Variants in PKD2L2 observed in about 807,000 individuals in gnomAD.
The protein encoded by PKD2L2 is polycystin 2 like 2, transient receptor potential cation channel, also known as polycystin-2-like protein 2.
In PKD2L2, 67 loss-of-function variants were observed where a neutral mutation model predicts 83.9. The observed-to-expected ratio is 0.80, with a 90% CI of 0.66 to 0.98. The LOEUF is 0.98. Among genes scored for constraint, PKD2L2 ranks in the 50% least tolerant of loss-of-function variants. The pLI, the probability that PKD2L2 is intolerant of heterozygous loss-of-function variation, is 0.00. For synonymous variants in PKD2L2, 223 were observed against 237.8 expected, an observed-to-expected ratio of 0.94 and a Z score of 0.57; for missense variants, 632 against 717.2, an observed-to-expected ratio of 0.88 and a Z score of 1.36.
intron 8 of PKD2L2, among the ~76,000 whole-genome samples, chr5:137,919,039 T>A (rs1362761457): frequency 6.6e-6 from 1 of 151,882 alleles, no homozygotes; most frequent in Admixed American, 6.6e-5. Flanking sequence ...GGAGCCTGAA[T>A]TGCTACACCC....
intron 6 of PKD2L2, 66 bp downstream of exon 6, chr5:137,906,500 A>G (rs936785247): frequency 1.3e-6 from 1 of 742,242 alleles, no homozygotes; most frequent in Non-Finnish European, 2.2e-6. Context: ...AAGGAGGTGT[A>G]AAAAGACAGA....
intron 12 of PKD2L2, among the ~76,000 whole-genome samples, chr5:137,931,855 G>T (rs1759904312): frequency 2.0e-5 from 3 of 152,008 alleles, no homozygotes; most frequent in African/African-American, 7.2e-5. Context: ...CAATTTTCTA[G>T]GTATATGATG....
chr5:137,915,119 G>A (rs1758206365), intron 8 of PKD2L2, among the ~76,000 whole-genome samples: 1 of 152,122 alleles, frequency 6.6e-6, no homozygotes, highest in Non-Finnish European at 1.5e-5. Context: ...TAGGTTTCAA[G>A]GTAATGATAG....
rs1183359823 is a variant in PKD2L2, at chr5:137,907,769, A to G, written c.1003A>G (p.Thr335Ala). The G allele has an allele frequency of 6.4e-7, 1 of 1,550,448 alleles. No homozygotes were observed. Among genetic ancestry groups the G allele is most frequent in the Non-Finnish European group, 8.7e-7 (1 of 1,146,814 alleles). ...LLCFVAVSFN[T>A]YYNVQIFLLL... ...GTGTTTTGTGGCTGTTTCCTTCAAC[A>G]CATACTATAATGTACAAATTTTTCT... Residue 335 changes from threonine to alanine, a missense_variant, in exon 7 of 15, where the codon ACA becomes GCA. Thr to Ala is a moderately conservative substitution (Grantham distance 58). Around this residue, in one of 3 missense-constraint regions of PKD2L2, gnomAD observed 399 missense variants for 416.9 expected, o/e 0.96. Coordinates refer to ENST00000508883, the MANE Select transcript of PKD2L2 (RefSeq NM_001300921.2).
intron 14 of PKD2L2, chr5:137,940,093 CA>C (rs1269564455): frequency 6.2e-7 from 1 of 1,614,022 alleles, no homozygotes; most frequent in South Asian, 1.1e-5. Flanking sequence ...TGTTTAGTGG[CA>C]CCACAACCAA....
At chr5:137,909,196 T>C (rs1757606653) in intron 8 of PKD2L2, among the ~76,000 whole-genome samples, 1 of 152,004 alleles carries the variant, frequency 6.6e-6, no homozygotes, top group African/African-American at 2.4e-5. Flanking sequence ...CCACGCTTGG[T>C]TGATTACATT....
intron 8 of PKD2L2, among the ~76,000 whole-genome samples, chr5:137,915,183 C>T (rs368458422): frequency 6.0e-5 from 9 of 149,420 alleles, no homozygotes; most frequent in East Asian, 3.9e-4. Context: ...TGGAAGAGTT[C>T]GAAGATTGGC....
intron 6 of PKD2L2, 117 bp from the exon 7 acceptor site, chr5:137,907,625 C>G: frequency 1.1e-3 from 516 of 453,076 alleles, no homozygotes; most frequent in Non-Finnish European, 1.5e-3. Context: ...TATGTCCTAT[C>G]TTTCCTTCCC....
At chr5:137,929,757 A>C (rs967284279) in intron 12 of PKD2L2, among the ~76,000 whole-genome samples, 5 of 152,248 alleles carry the variant, frequency 3.3e-5, no homozygotes, top group Non-Finnish European at 7.4e-5. Flanking sequence ...TAAGGATTCT[A>C]CTAGAGGACA....
chr5:137,923,391 G>C, intron 9 of PKD2L2, 29 bp from the exon 10 acceptor site: 1 of 991,592 alleles, frequency 1.0e-6, no homozygotes, highest in Non-Finnish European at 1.6e-6. Flanking sequence ...AATTTTTATT[G>C]AAATAATTAT....
At chr5:137,908,415 C>T (rs1422546122) in intron 7 of PKD2L2, among the ~76,000 whole-genome samples, 1 of 152,082 alleles carries the variant, frequency 6.6e-6, no homozygotes, top group African/African-American at 2.4e-5. Context: ...TGGTGAAATC[C>T]TGTCTCTACT....
rs1761730586 is a variant in PKD2L2, at chr5:137,941,273, T to A, written c.*18-1111T>A. Among the ~76,000 whole-genome samples, 4 of 152,246 alleles carry A rather than the reference T, an allele frequency of 2.6e-5. No homozygotes were observed. The South Asian group carries it at 8.3e-4, about 32-fold the overall frequency. On this transcript the variant is annotated intron_variant, in intron 14 of 14. Transcript: ENST00000508883. Reference sequence around the variant, plus strand: ...AGGAGACTCACAAAGCAAAGGGAATTAAAGTACAGATATTTTAGAATTTGT... The same window carrying A: ...AGGAGACTCACAAAGCAAAGGGAATAAAAGTACAGATATTTTAGAATTTGT...
intron 14 of PKD2L2, chr5:137,938,703 A>G (rs1760835041): frequency 6.6e-6 from 1 of 152,346 alleles, no homozygotes; most frequent in South Asian, 2.1e-4. Context: ...AAGTACTAGA[A>G]CTGCTATTTA....
At position 137,889,503 on chromosome 5, in the gene PKD2L2, G is replaced by T. The variant is rs775853863; in HGVS notation, c.12G>T (p.Ala4=). The T allele has an allele frequency of 1.5e-5, 24 of 1,561,500 alleles. No individual in the cohort carries two copies. The highest frequency in any genetic ancestry group is 2.9e-5 in the African/African-American group (2 of 69,750). The change falls in exon 1 of 15, where the codon GCG becomes GCT. Residue 4 remains alanine, a synonymous_variant. Coordinates refer to ENST00000508883, the MANE Select transcript of PKD2L2 (RefSeq NM_001300921.2). ...AGTGCAGGTCCGCCATGGCTGAGGC[G>T]TCACGGTGGCACCGAGGCGGTGAGG... is the stretch of plus-strand genomic sequence containing the variant. The part of the protein sequence containing the change: MAE[A]SRWHRGGASK...
At chr5:137,904,172 G>A (rs534319407) in intron 5 of PKD2L2, among the ~76,000 whole-genome samples, 6 of 152,216 alleles carry the variant, frequency 3.9e-5, no homozygotes, top group South Asian at 2.1e-4. Context: ...TGAGGGCTTC[G>A]GATGTTTTTT....
At chr5:137,922,034 A>C (rs1188512275) in intron 9 of PKD2L2, among the ~76,000 whole-genome samples, 1 of 152,240 alleles carries the variant, frequency 6.6e-6, no homozygotes, top group African/African-American at 2.4e-5. Flanking sequence ...GGCTGGGACA[A>C]TGCATGCCAT....
Position 137,894,455 on chromosome 5 carries a change from A to G in PKD2L2, c.370A>G (p.Ile124Val). ...CAGCAGTCGCATCTACTATGAAAATATACTTCTAGGAGTTCCCAGAGTTCG... is the reference window on the plus strand; with the variant it reads ...CAGCAGTCGCATCTACTATGAAAATGTACTTCTAGGAGTTCCCAGAGTTCG... ...KNSSRIYYEN[I>V]LLGVPRVRQL... The change falls in exon 4 of 15, where the codon ATA (isoleucine) becomes GTA (valine). Residue 124 changes from isoleucine to valine, a missense_variant. Transcript: ENST00000508883. 1 of 1,613,876 alleles carries G rather than the reference A, an allele frequency of 6.2e-7. No homozygotes were observed. The highest frequency in any genetic ancestry group is 8.5e-7 in the Non-Finnish European group (1 of 1,179,856).
chr5:137,922,619 T>C (rs2150046362), intron 9 of PKD2L2, among the ~76,000 whole-genome samples: 1 of 151,966 alleles, frequency 6.6e-6, no homozygotes, highest in South Asian at 2.1e-4. Context: ...ACACCTATAA[T>C]CCCAGCTACT....
chr5:137,928,021 C>T (rs1320503855), intron 12 of PKD2L2, among the ~76,000 whole-genome samples: 1 of 152,116 alleles, frequency 6.6e-6, no homozygotes, highest in Non-Finnish European at 1.5e-5. Context: ...CAATAAGAGG[C>T]TTATCCAAGT....
Sources: allele counts gnomAD v4.1 joint callset (sites outside exome capture counted in the v4.1 genomes callset), GRCh38; gene constraint gnomAD v4.1.1; regional missense constraint gnomAD v4.1.1; transcripts MANE v1.5; gene names NCBI Gene and HGNC (gene_info 2026-07-23, HGNC 2026-07-21).